The following GPR139 variants were observed in gnomAD, a reference collection of about 807,000 sequenced individuals.
GPR139 encodes G protein-coupled receptor 139, also known as probable G protein-coupled receptor 139.
In GPR139, 12 loss-of-function variants were observed where a neutral mutation model predicts 25.8. The ratio of observed to expected loss-of-function variants is 0.47; its 90% confidence interval spans 0.30 to 0.75. GPR139 has a LOEUF of 0.75. Ranked by LOEUF, GPR139 falls within the 30% of genes least tolerant of loss-of-function variation. The pLI, the probability that GPR139 is intolerant of heterozygous loss-of-function variation, is 0.07. For synonymous variants in GPR139, 184 were observed against 179.9 expected, an observed-to-expected ratio of 1.02 and a Z score of -0.18; for missense variants, 380 against 450.2, an observed-to-expected ratio of 0.84 and a Z score of 1.41.
At chr16:20,056,662 T>C (rs1469716838) in intron 1 of GPR139, among the ~76,000 whole-genome samples, 2 of 152,234 alleles carry the variant, frequency 1.3e-5, no homozygotes, top group African/African-American at 4.8e-5. Context: ...TTAATGGTTA[T>C]AATTGATGAC....
At position 20,060,707 on chromosome 16, in the gene GPR139, G is replaced by A. The variant is rs570086361; in HGVS notation, c.127+12783C>T. On this transcript the variant is annotated intron_variant, in intron 1 of 1. Coordinates refer to ENST00000570682, the MANE Select transcript of GPR139 (RefSeq NM_001002911.4). ...GGGTCAATTTACCTGCTTTTACAAG[G>A]TGCTGGCCTCCTGTTTCACTCTGCT... Among the ~76,000 whole-genome samples, 11 of 152,168 alleles carry A rather than the reference G, an allele frequency of 7.2e-5. No homozygotes were observed. In the South Asian group the frequency reaches 1.7e-3, roughly 23 times the overall value.
intron 1 of GPR139, among the ~76,000 whole-genome samples, chr16:20,055,790 G>C (rs1436846230): frequency 6.6e-6 from 1 of 152,352 alleles, no homozygotes; most frequent in East Asian, 1.9e-4. Context: ...TCTTGCCGCT[G>C]TTCAGCAGAT....
At chr16:20,040,353 A>C (rs756778262) in intron 1 of GPR139, among the ~76,000 whole-genome samples, 1 of 152,176 alleles carries the variant, frequency 6.6e-6, no homozygotes, top group Non-Finnish European at 1.5e-5. Flanking sequence ...CTTGGTGTTT[A>C]TATCTCCAGG....
At chr16:20,067,595 G>A (rs1325833854) in intron 1 of GPR139, among the ~76,000 whole-genome samples, 2 of 151,900 alleles carry the variant, frequency 1.3e-5, no homozygotes, top group Admixed American at 6.6e-5. Context: ...AGCTGAGGTC[G>A]GGAGTTTGAG....
At chr16:20,054,635 A>T (rs2057382940) in intron 1 of GPR139, among the ~76,000 whole-genome samples, 1 of 152,046 alleles carries the variant, frequency 6.6e-6, no homozygotes, top group Non-Finnish European at 1.5e-5. Flanking sequence ...CAGGTTTGTT[A>T]CATAGGTAAA....
chr16:20,048,393 A>G (rs913980204), intron 1 of GPR139, among the ~76,000 whole-genome samples: 3 of 152,212 alleles, frequency 2.0e-5, no homozygotes, highest in Admixed American at 6.5e-5. Flanking sequence ...CTCCCAGAGT[A>G]CAAGATCTGT....
intron 1 of GPR139, among the ~76,000 whole-genome samples, chr16:20,066,176 A>G (rs1406121906): frequency 6.6e-6 from 1 of 152,206 alleles, no homozygotes; most frequent in East Asian, 1.9e-4. Context: ...TGAATTGAAG[A>G]CACCTGGCCA....
Position 20,073,350 on chromosome 16 carries a change from A to G in GPR139, c.127+140T>C. 1 of 1,259,386 alleles carries G rather than the reference A, an allele frequency of 7.9e-7. No individual in the cohort carries two copies. 78.0% of individuals were successfully genotyped at this position (1,259,386 alleles called of 1,614,324 possible). A position where few individuals can be genotyped will look rare whatever the true frequency, so the allele number is the denominator to read the frequency against. The stretch of plus-strand genomic sequence containing the variant: ...GCAACTTCCTTTCCCCCCGTGTGGA[A>G]ATATCCATAGTTGCCCTTAAAGCTT... On this transcript the variant is annotated intron_variant, in intron 1 of 1. Transcript: ENST00000570682. This position sits in a 1 kb window ranked among gnomAD's most constrained non-coding sequence, Gnocchi z 4.7.
At chr16:20,054,034 C>T (rs1176450054) in intron 1 of GPR139, among the ~76,000 whole-genome samples, 1 of 152,148 alleles carries the variant, frequency 6.6e-6, no homozygotes, top group African/African-American at 2.4e-5. Flanking sequence ...TGTGCTCATC[C>T]TGACTCTGGG....
In GPR139 at chr16:20,032,285, G is replaced by T; in HGVS notation, c.512C>A (p.Thr171Asn). Reference sequence around the variant, plus strand: ...CACAGAGGTGCTGATGTAGTCTTCAGTCCAGATGTTGGGCCACCAGTAATA... The same window carrying T: ...CACAGAGGTGCTGATGTAGTCTTCATTCCAGATGTTGGGCCACCAGTAATA... ...IPYYWWPNIW[T>N]EDYISTSVHH... The change falls in exon 2 of 2, where the codon ACT (threonine) becomes AAT (asparagine). Residue 171 changes from threonine (T) to asparagine (N), a missense_variant. Transcript: ENST00000570682. 5.6e-6 allele frequency: 9 copies of T among 1,614,204 alleles called. No homozygotes were observed. The highest frequency in any genetic ancestry group is 7.6e-6 in the Non-Finnish European group (9 of 1,180,034).
chr16:20,064,704 A>G (rs769556945), intron 1 of GPR139, among the ~76,000 whole-genome samples: 1 of 152,210 alleles, frequency 6.6e-6, no homozygotes, highest in Non-Finnish European at 1.5e-5. Context: ...TCTTATACCC[A>G]TTCTGCAGAT....
chr16:20,052,087 C>T (rs150436364), intron 1 of GPR139, among the ~76,000 whole-genome samples: 14 of 152,312 alleles, frequency 9.2e-5, no homozygotes, highest in East Asian at 1.9e-4. Context: ...AAAGAAACCA[C>T]GGTCTTTCAA....
chr16:20,061,982 T>G (rs1366802699), intron 1 of GPR139, among the ~76,000 whole-genome samples: 1 of 152,202 alleles, frequency 6.6e-6, no homozygotes, highest in Non-Finnish European at 1.5e-5. Context: ...TCAAGGGCAT[T>G]GTAGGCCAGG....
intron 1 of GPR139, among the ~76,000 whole-genome samples, chr16:20,038,160 C>G (rs1341584473): frequency 6.6e-6 from 1 of 152,080 alleles, no homozygotes; most frequent in Admixed American, 6.6e-5. Context: ...TCATGCTCAG[C>G]CACAACCTCT....
rs374283860 is a variant in GPR139 at position 20,038,327 on chromosome 16, ATATGTGTGTGTGTGTG to A, written c.128-5674_128-5659del. 4.9e-3 allele frequency among the ~76,000 whole-genome samples: 401 copies of A among 81,620 alleles called. 2 individuals carry two copies. Among genetic ancestry groups the A allele is most frequent in the African/African-American group, 0.019 (392 of 20,886 alleles). 53.5% of individuals were successfully genotyped at this position (81,620 alleles called of 152,430 possible). A position where few individuals can be genotyped will look rare whatever the true frequency, so the allele number is the denominator to read the frequency against. On this transcript the variant is annotated intron_variant, in intron 1 of 1. Coordinates refer to ENST00000570682, the MANE Select transcript of GPR139 (RefSeq NM_001002911.4). ...AGGTTTAAGTTCCTGGATAATATATATATGTGTGTGTGTGTGTGTGTGTGTGTGTGTGTGTGTGTGT... is the reference window on the plus strand; with the variant it reads ...AGGTTTAAGTTCCTGGATAATATATATGTGTGTGTGTGTGTGTGTGTGTGT...
chr16:20,051,546 C>G (rs1413550435), intron 1 of GPR139, among the ~76,000 whole-genome samples: 1 of 152,152 alleles, frequency 6.6e-6, no homozygotes, highest in African/African-American at 2.4e-5. Flanking sequence ...GTCTAATTAC[C>G]CAGGGGCCTC....
rs754041218 is a variant in GPR139 at position 20,031,999 on chromosome 16, C to T, written c.798G>A (p.Met266Ile). The T allele has an allele frequency of 1.2e-5, 20 of 1,614,152 alleles. No homozygotes were observed. Among genetic ancestry groups the T allele is most frequent in the South Asian group, 9.9e-5 (9 of 91,080 alleles). The change falls in exon 2 of 2, where the codon ATG becomes ATA. Residue 266 changes from methionine to isoleucine, a missense_variant. Transcript: ENST00000570682. ...GGGCTAGCATGTTGGCAATGTCGGA[C>T]ATGATGTGTACCAGCCAGCGGTTCT... ...PIQNRWLVHI[M>I]SDIANMLALL...
rs1555465698 is a variant in GPR139, at chr16:20,038,329, A to ATG, written c.128-5662_128-5661dup. On this transcript the variant is annotated intron_variant, in intron 1 of 1. Coordinates refer to ENST00000570682, the MANE Select transcript of GPR139 (RefSeq NM_001002911.4). ...GTTTAAGTTCCTGGATAATATATAT[A>ATG]TGTGTGTGTGTGTGTGTGTGTGTGT... Among the ~76,000 whole-genome samples the ATG allele has an allele frequency of 3.7e-3, 354 of 95,952 alleles. 2 individuals are homozygous for ATG. The highest frequency in any genetic ancestry group is 0.01 in the African/African-American group (312 of 30,692). 62.9% of individuals were successfully genotyped at this position (95,952 alleles called of 152,430 possible).
intron 1 of GPR139, among the ~76,000 whole-genome samples, chr16:20,070,660 C>T (rs530339694): frequency 1.5e-4 from 23 of 152,356 alleles, no homozygotes; most frequent in African/African-American, 5.3e-4. Context: ...ATCCATCCCT[C>T]AGTTCCCACC....
Sources: allele counts gnomAD v4.1 joint callset (sites outside exome capture counted in the v4.1 genomes callset), GRCh38; gene constraint gnomAD v4.1.1; non-coding constraint Gnocchi (gnomAD v3.1); transcripts MANE v1.5; gene names NCBI Gene and HGNC (gene_info 2026-07-23, HGNC 2026-07-21).